Variants in GUCY2F observed in about 807,000 individuals in gnomAD.
The protein encoded by GUCY2F is retinal guanylyl cyclase 2.
In GUCY2F, 61 loss-of-function variants were observed where a neutral mutation model predicts 73.1. That is an observed-to-expected ratio of 0.83 (90% CI 0.68 to 1.03). GUCY2F has a LOEUF of 1.03. GUCY2F is among the 50% of genes least tolerant of loss of function. GUCY2F has a pLI of 0.00. For synonymous variants in GUCY2F, 331 were observed against 307.8 expected (o/e 1.08, Z -0.79); for missense variants, 912 against 854.3 (o/e 1.07, Z -0.84).
At chrX:109,435,653 T>C (rs1209712399) in intron 7 of GUCY2F, among the ~76,000 whole-genome samples, 1 of 110,108 alleles carries the variant, frequency 9.1e-6, no homozygotes, top group Admixed American at 9.7e-5. Context: ...GGCCAGAACT[T>C]CCAACACTAT....
In GUCY2F at chrX:109,424,617, G is replaced by T. The variant is rs1025974752; in HGVS notation, c.1791+5690C>A. 2.7e-5 allele frequency among the ~76,000 whole-genome samples: 3 copies of T among 111,266 alleles called. No individual in the cohort carries two copies. The Admixed American group carries it at 2.9e-4, about 11-fold the overall frequency. The stretch of plus-strand genomic sequence containing the variant: ...GTAAGTTCATGATTATAATCAGTGA[G>T]CCACCCTGTTAATAGTGGGAGAGGC... On this transcript the variant is annotated intron_variant, in intron 8 of 19. Transcript: ENST00000218006.
At chrX:109,425,155 G>C (rs1486749856) in intron 8 of GUCY2F, among the ~76,000 whole-genome samples, 2 of 111,689 alleles carry the variant, frequency 1.8e-5, no homozygotes, top group Non-Finnish European at 3.8e-5. Flanking sequence ...AAAGAACTAA[G>C]AGTAGAACTA....
Position 109,385,288 on chromosome X carries a change from G to A in GUCY2F, c.2957-6C>T, listed in dbSNP as rs900775304. On this transcript the variant is annotated splice_polypyrimidine_tract_variant and splice_region_variant and intron_variant, in intron 15 of 19. Coordinates refer to ENST00000218006, the MANE Select transcript of GUCY2F (RefSeq NM_001522.3). ...CACTCCAGCAACAACCGGCCCTATA[G>A]AGTATCAGGGGGTTGGAATTACAGT... is the stretch of plus-strand genomic sequence containing the variant. 7 of 1,053,529 alleles carry A rather than the reference G, an allele frequency of 6.6e-6. No homozygotes were observed. In the African/African-American group the frequency reaches 1.3e-4, roughly 20 times the overall value. 86.8% of individuals were successfully genotyped at this position (1,053,529 alleles called of 1,213,427 possible). A position where few individuals can be genotyped will look rare whatever the true frequency, so the allele number is the denominator to read the frequency against.
chrX:109,449,012 T>C, intron 5 of GUCY2F, among the ~76,000 whole-genome samples: 1 of 111,803 alleles, frequency 8.9e-6, no homozygotes, highest in Non-Finnish European at 1.9e-5. Context: ...CTGGGTAACT[T>C]GAAGACCTGG....
At chrX:109,384,972 G>C (rs988484954) in intron 16 of GUCY2F, among the ~76,000 whole-genome samples, 5 of 111,594 alleles carry the variant, frequency 4.5e-5, no homozygotes, top group Admixed American at 3.8e-4. Flanking sequence ...GAGAAAGAAA[G>C]GTACATGTTC....
chrX:109,436,570 T>A lies in GUCY2F; in HGVS notation c.1701+4781A>T, dbSNP rs1245179327. Among the ~76,000 whole-genome samples the A allele has an allele frequency of 9.9e-5, 11 of 111,545 alleles. No individual in the cohort carries two copies. In the East Asian group the frequency reaches 3.1e-3, roughly 31 times the overall value. ...ACAATGATAGATTGGATTAAGAAAA[T>A]GTGGCACATACACACCATGGAATAC... On this transcript the variant is annotated intron_variant, in intron 7 of 19. Coordinates refer to ENST00000218006, the MANE Select transcript of GUCY2F (RefSeq NM_001522.3).
chrX:109,412,878 A>C (rs762809433), intron 8 of GUCY2F, among the ~76,000 whole-genome samples: 4 of 111,770 alleles, frequency 3.6e-5, no homozygotes, highest in Non-Finnish European at 7.5e-5. Flanking sequence ...CTATGGGTGA[A>C]TGCAGATGAT....
intron 7 of GUCY2F, 113 bp downstream of exon 7, chrX:109,441,238 T>C: frequency 7.1e-6 from 3 of 422,669 alleles, no homozygotes; most frequent in Non-Finnish European, 1.2e-5. Flanking sequence ...GACACCAAAC[T>C]GGAAAGACTT....
In GUCY2F at chrX:109,430,330, T is replaced by G; in HGVS notation, c.1768A>C (p.Arg590=). ...ACCATTTCGAACACATCACTTGCTC[T>G]TGATTTGATGGACTTAAGGTCTCCA... ...DFGDLKSIKS[R]ASDVFEMMKD... The change falls in exon 8 of 20, where the codon AGA becomes CGA. Residue 590 remains arginine, a synonymous_variant. Transcript: ENST00000218006. 1 of 1,106,051 alleles carries G rather than the reference T, an allele frequency of 9.0e-7. No individual in the cohort carries two copies. The highest frequency in any genetic ancestry group is 1.3e-6 in the Non-Finnish European group (1 of 798,860). The allele number at this position is 1,106,051 out of a possible 1,213,427, so 91.2% of individuals were successfully genotyped here. A position where few individuals can be genotyped will look rare whatever the true frequency, so the allele number is the denominator to read the frequency against.
Position 109,387,444 on chromosome X carries a change from G to A in GUCY2F, c.2956+1045C>T, listed in dbSNP as rs1040879651. ...TAAGGTCCATGTGGAACATTCAGGT[G>A]GGCATATCAGCAGGAATTTTGATAT... On this transcript the variant is annotated intron_variant, in intron 15 of 19. Transcript: ENST00000218006. Among the ~76,000 whole-genome samples the A allele has an allele frequency of 1.1e-4, 12 of 112,001 alleles. No individual in the cohort carries two copies. In the Admixed American group the frequency reaches 1.1e-3, roughly 11 times the overall value.
chrX:109,474,707 A>C (rs1932647627), intron 2 of GUCY2F, among the ~76,000 whole-genome samples: 2 of 112,139 alleles, frequency 1.8e-5, no homozygotes, highest in Admixed American at 9.4e-5. Flanking sequence ...GAAGGTATGG[A>C]CATTTCGGAG....
intron 7 of GUCY2F, among the ~76,000 whole-genome samples, chrX:109,440,069 C>A (rs1356774260): frequency 8.9e-6 from 1 of 112,190 alleles, no homozygotes; most frequent in Non-Finnish European, 1.9e-5. Flanking sequence ...GTACCAATTT[C>A]TGTCTTAGTC....
At chrX:109,389,513 A>C (rs1419191225) in intron 14 of GUCY2F, among the ~76,000 whole-genome samples, 1 of 111,979 alleles carries the variant, frequency 8.9e-6, no homozygotes, top group Non-Finnish European at 1.9e-5. Context: ...AGAACATGAA[A>C]CTCTGAAGTT....
chrX:109,396,849 T>C (rs977101451), intron 11 of GUCY2F, among the ~76,000 whole-genome samples: 6 of 112,431 alleles, frequency 5.3e-5, no homozygotes, highest in Admixed American at 3.8e-4. Context: ...ACAGATTCCA[T>C]GAGCATGTAC....
intron 10 of GUCY2F, among the ~76,000 whole-genome samples, chrX:109,403,342 G>A (rs994446566): frequency 1.8e-5 from 2 of 111,235 alleles, no homozygotes; most frequent in Non-Finnish European, 3.8e-5. Flanking sequence ...CAAAATGGAC[G>A]TTGTTGGTGT....
Position 109,476,355 on chromosome X carries a change from C to CA in GUCY2F, c.-85-335dup, listed in dbSNP as rs1208689899. Among the ~76,000 whole-genome samples, 4 of 112,259 alleles carry CA rather than the reference C, an allele frequency of 3.6e-5. No individual in the cohort carries two copies. The Admixed American group carries it at 3.8e-4, about 11-fold the overall frequency. On this transcript the variant is annotated intron_variant, in intron 1 of 19. Coordinates refer to ENST00000218006, the MANE Select transcript of GUCY2F (RefSeq NM_001522.3). ...GTGTTTTGAAAATTACATGAGTTAA[C>CA]ACACGGCAAGTGCTTATAACAGAGC...
chrX:109,446,563 G>T (rs1046809034), intron 6 of GUCY2F, among the ~76,000 whole-genome samples: 15 of 110,527 alleles, frequency 1.4e-4, no homozygotes, highest in South Asian at 3.7e-4. Context: ...GGGAAAACTG[G>T]CTAGCCATAT....
At position 109,465,283 on chromosome X, in the gene GUCY2F, G is replaced by T. The variant is rs1932444242; in HGVS notation, c.891C>A (p.Val297=). 5.8e-6 allele frequency: 7 copies of T among 1,209,912 alleles called. No individual in the cohort carries two copies. The South Asian group carries it at 1.2e-4, about 21-fold the overall frequency. Residue 297 remains valine (V), a synonymous_variant, in exon 3 of 20, where the codon GTC becomes GTA. Transcript: ENST00000218006. Reference sequence around the variant, plus strand: ...CCCGGAGCTTTGGGTTGTTCCTTAGGACCCGGTAGGGGGTGTGCTTATAAG... The same window carrying T: ...CCCGGAGCTTTGGGTTGTTCCTTAGTACCCGGTAGGGGGTGTGCTTATAAG... ...SLPYKHTPYR[V]LRNNPKLREA... is the part of the protein sequence containing the mutation.
chrX:109,475,152 T>C, intron 2 of GUCY2F, 55 bp downstream of exon 2: 1 of 1,122,130 alleles, frequency 8.9e-7, no homozygotes, highest in African/African-American at 1.8e-5. Context: ...CTTTTGGAGA[T>C]TGTAATCTCT....
Sources: allele counts gnomAD v4.1 joint callset (sites outside exome capture counted in the v4.1 genomes callset), GRCh38; gene constraint gnomAD v4.1.1; transcripts MANE v1.5; gene names NCBI Gene and HGNC (gene_info 2026-07-23, HGNC 2026-07-21).